The following CUX2 variants were observed in gnomAD, a reference collection of about 807,000 sequenced individuals.
The protein encoded by CUX2 is homeobox protein cut-like 2.
Under a neutral mutation model 144.8 loss-of-function variants are expected in CUX2, and 40 were observed. The ratio of observed to expected loss-of-function variants is 0.28; its 90% CI spans 0.21 to 0.36. CUX2 has a LOEUF of 0.36. CUX2 is among the 10% of genes least tolerant of loss of function. The pLI, the probability that CUX2 is intolerant of heterozygous loss-of-function variation, is 1.00. For missense variants in CUX2, 1,615 were observed against 1,994.0 expected (o/e 0.81, Z 3.62); for synonymous variants, 827 against 875.6 (o/e 0.94, Z 0.98).
rs1016196627 is a variant in CUX2, at chr12:111,310,464, A to G, written c.1682A>G (p.Gln561Arg). The part of the protein sequence containing the change: ...EQLDTAEIAF[Q>R]VKEQLLKHNI... ...CTGGACACGGCAGAGATCGCCTTCC[A>G]GGTGAAGGAGCAGCTGCTGAAACAC... The change falls in exon 15 of 22, where the codon CAG (glutamine) becomes CGG (arginine). Residue 561 changes from glutamine to arginine, a missense_variant. Around this residue, in one of 12 missense-constraint regions of CUX2, gnomAD observed 71 missense variants for 142.3 expected, o/e 0.50. Coordinates refer to ENST00000261726, the MANE Select transcript of CUX2 (RefSeq NM_015267.4). This position sits in a 1 kb window ranked among gnomAD's most constrained non-coding sequence, Gnocchi z 7.9. 1.2e-6 allele frequency: 2 copies of G among 1,613,524 alleles called. No homozygotes were observed. The highest frequency in any genetic ancestry group is 2.7e-5 in the African/African-American group (2 of 74,936).
chr12:111,230,392 C>A (rs1447003969), intron 3 of CUX2, among the ~76,000 whole-genome samples: 1 of 152,160 alleles, frequency 6.6e-6, no homozygotes, highest in Non-Finnish European at 1.5e-5. Flanking sequence ...CAGCAGCATC[C>A]ACATCACCTG....
rs1249169844 is a variant in CUX2, at chr12:111,102,084, C to T, written c.63+67844C>T. ...TCACACAATGTGTAACCCACTCTTT[C>T]TGTAGCCTTGCCCACTGTGTGCTGC... is the stretch of plus-strand genomic sequence containing the variant. On this transcript the variant is annotated intron_variant, in intron 1 of 21. Coordinates refer to ENST00000261726, the MANE Select transcript of CUX2 (RefSeq NM_015267.4). Among the ~76,000 whole-genome samples, 3 of 152,208 alleles carry T rather than the reference C, an allele frequency of 2.0e-5. No individual in the cohort carries two copies. The East Asian group carries it at 5.8e-4, about 29-fold the overall frequency.
intron 3 of CUX2, among the ~76,000 whole-genome samples, chr12:111,220,070 G>C (rs968119020): frequency 2.6e-5 from 4 of 152,000 alleles, no homozygotes; most frequent in Admixed American, 1.3e-4. Context: ...CTTGAACCCA[G>C]GAGGCGGAGG....
At chr12:111,251,788 G>A (rs1173758996) in intron 3 of CUX2, among the ~76,000 whole-genome samples, 1 of 152,070 alleles carries the variant, frequency 6.6e-6, no homozygotes, top group Admixed American at 6.6e-5. Context: ...CCTAGGTCTT[G>A]CACTGGCCTC....
rs1879833465 is a variant in CUX2, at chr12:111,190,856, A to G, written c.64-23344A>G. ...TGTGTGCGTTGACTCCTGCCATGAAACTGACACCCTCCAAGGACCCTCCTC... is the reference window on the plus strand; with the variant it reads ...TGTGTGCGTTGACTCCTGCCATGAAGCTGACACCCTCCAAGGACCCTCCTC... On this transcript the variant is annotated intron_variant, in intron 1 of 21. Coordinates refer to ENST00000261726, the MANE Select transcript of CUX2 (RefSeq NM_015267.4). The surrounding 1 kb of genome is among the most constrained non-coding windows in gnomAD (Gnocchi z 4.0). Among the ~76,000 whole-genome samples, 1 of 152,092 alleles carries G rather than the reference A, an allele frequency of 6.6e-6. No homozygotes were observed. Among genetic ancestry groups the G allele is most frequent in the African/African-American group, 2.4e-5 (1 of 41,388 alleles).
At chr12:111,330,078 C>T (rs1041377719) in intron 18 of CUX2, among the ~76,000 whole-genome samples, 7 of 152,222 alleles carry the variant, frequency 4.6e-5, no homozygotes, top group South Asian at 4.1e-4. Flanking sequence ...GAGCCTGGAA[C>T]ATGCCCACGT....
chr12:111,092,274 A>C (rs2136056015), intron 1 of CUX2, among the ~76,000 whole-genome samples: 1 of 152,306 alleles, frequency 6.6e-6, no homozygotes, highest in African/African-American at 2.4e-5. Flanking sequence ...TTAGTCCCAG[A>C]TGTGTCTCTG....
chr12:111,234,578 G>A (rs1048056828), intron 3 of CUX2, among the ~76,000 whole-genome samples: 1 of 152,174 alleles, frequency 6.6e-6, no homozygotes, highest in Non-Finnish European at 1.5e-5. Flanking sequence ...GGTCCCAGCT[G>A]AGATTAGGAA....
At chr12:111,152,495 T>C (rs2136138348) in intron 1 of CUX2, among the ~76,000 whole-genome samples, 1 of 152,100 alleles carries the variant, frequency 6.6e-6, no homozygotes, top group East Asian at 1.9e-4. Flanking sequence ...TTGGCAGAGT[T>C]TTAAATTTCA....
rs978176246 is a variant in CUX2 at position 111,287,363 on chromosome 12, C to T, written c.302-4055C>T. Among the ~76,000 whole-genome samples, 1 of 152,252 alleles carries T rather than the reference C, an allele frequency of 6.6e-6. No homozygotes were observed. Among genetic ancestry groups the T allele is most frequent in the Admixed American group, 6.5e-5 (1 of 15,286 alleles). ...CTGCGCAGTCCGCGTGGCACCGCAC[C>T]GTCTTGTGTTTGTCTAACTTCCCTG... On this transcript the variant is annotated intron_variant, in intron 4 of 21. Transcript: ENST00000261726. This position sits in a 1 kb window ranked among gnomAD's most constrained non-coding sequence, Gnocchi z 4.2.
At chr12:111,251,086 C>T (rs920026735) in intron 3 of CUX2, among the ~76,000 whole-genome samples, 2 of 151,968 alleles carry the variant, frequency 1.3e-5, no homozygotes, top group Non-Finnish European at 2.9e-5. Context: ...GCCAGGAGCC[C>T]TCGGAAGAGA....
intron 2 of CUX2, among the ~76,000 whole-genome samples, chr12:111,217,584 C>G (rs759169491): frequency 3.3e-5 from 5 of 152,198 alleles, no homozygotes; most frequent in Admixed American, 6.5e-5. Flanking sequence ...GCATAAAAGA[C>G]CATTCTATGA....
chr12:111,142,542 A>AC (rs1390067643), intron 1 of CUX2, among the ~76,000 whole-genome samples: 14 of 152,002 alleles, frequency 9.2e-5, no homozygotes, highest in African/African-American at 3.4e-4. Flanking sequence ...AAAAAAAAAA[A>AC]AAAAACAGAA....
At chr12:111,165,821 C>G (rs1266623402) in intron 1 of CUX2, among the ~76,000 whole-genome samples, 1 of 152,126 alleles carries the variant, frequency 6.6e-6, no homozygotes, top group African/African-American at 2.4e-5. Flanking sequence ...AGAATTTGTC[C>G]TTTTTCTCCA....
intron 3 of CUX2, among the ~76,000 whole-genome samples, chr12:111,251,932 C>T (rs540502254): frequency 3.3e-5 from 5 of 152,168 alleles, no homozygotes; most frequent in Middle Eastern, 3.4e-3. Context: ...GTAATCCCGG[C>T]GCTTTAGGAG....
intron 1 of CUX2, among the ~76,000 whole-genome samples, chr12:111,040,285 T>TAA (rs1215133830): frequency 7.0e-6 from 1 of 142,734 alleles, no homozygotes; most frequent in African/African-American, 2.6e-5. Context: ...AGACCCTGTT[T>TAA]AAAAAAAAAA....
intron 9 of CUX2, among the ~76,000 whole-genome samples, chr12:111,300,575 C>G (rs900520602): frequency 1.3e-5 from 2 of 152,202 alleles, no homozygotes; most frequent in African/African-American, 2.4e-5. Context: ...GGTGCACCAT[C>G]GTCTAACCCA....
chr12:111,148,795 G>A (rs1876861780), intron 1 of CUX2, among the ~76,000 whole-genome samples: 1 of 152,126 alleles, frequency 6.6e-6, no homozygotes, highest in South Asian at 2.1e-4. Context: ...CCATGAGTTC[G>A]AGACCAGCCT....
chr12:111,207,497 G>A (rs772960618), intron 1 of CUX2, among the ~76,000 whole-genome samples: 1 of 152,092 alleles, frequency 6.6e-6, no homozygotes, highest in African/African-American at 2.4e-5. Context: ...CAACATCTTC[G>A]GTTGCATCCC....
Sources: allele counts gnomAD v4.1 joint callset (sites outside exome capture counted in the v4.1 genomes callset), GRCh38; gene constraint gnomAD v4.1.1; regional missense constraint gnomAD v4.1.1; non-coding constraint Gnocchi (gnomAD v3.1); transcripts MANE v1.5; gene names NCBI Gene and HGNC (gene_info 2026-07-23, HGNC 2026-07-21).